The following USH2A variants were observed in gnomAD, a reference collection of about 807,000 sequenced individuals.
USH2A encodes the protein usherin.
A neutral mutation model predicts 538.9 loss-of-function variants in USH2A; 443 were observed. The ratio of observed to expected loss-of-function variants is 0.82; its 90% confidence interval spans 0.76 to 0.89. The LOEUF is 0.89. USH2A is among the 40% of genes least tolerant of loss of function. USH2A has a pLI of 0.00. For missense variants in USH2A, 6,633 were observed against 6,324.8 expected, an observed-to-expected ratio of 1.05 and a Z score of -1.65; for synonymous variants, 2,413 against 2,273.5, an observed-to-expected ratio of 1.06 and a Z score of -1.75.
chr1:216,364,833 T>G lies in USH2A; in HGVS notation c.784+120A>C, dbSNP rs901400172. 1.4e-5 allele frequency: 18 copies of G among 1,325,378 alleles called. No homozygotes were observed. The South Asian group carries it at 2.3e-4, about 17-fold the overall frequency. 82.1% of individuals were successfully genotyped at this position (1,325,378 alleles called of 1,614,324 possible). ...AATCTGCCATCCAGTTGGTGGTAAT[T>G]TGTTCAGTAGCCCTAGAAGATGAAT... On this transcript the variant is annotated intron_variant, in intron 4 of 71. Coordinates refer to ENST00000307340, the MANE Select transcript of USH2A (RefSeq NM_206933.4).
rs778015761 is a variant in USH2A, at chr1:216,198,588, G to C, written c.3812-4C>G. ...AGTTCATATCTTATAATTATTCCTAGAGAAATTAAATAGTGAACCTACGTA... is the reference window on the plus strand; with the variant it reads ...AGTTCATATCTTATAATTATTCCTACAGAAATTAAATAGTGAACCTACGTA... On this transcript the variant is annotated splice_region_variant and splice_polypyrimidine_tract_variant and intron_variant, in intron 17 of 71. Coordinates refer to ENST00000307340, the MANE Select transcript of USH2A (RefSeq NM_206933.4). 1.2e-6 allele frequency: 2 copies of C among 1,611,364 alleles called. No individual in the cohort carries two copies. Among genetic ancestry groups the C allele is most frequent in the South Asian group, 2.2e-5 (2 of 91,038 alleles).
At chr1:215,651,893 A>G (rs955294220) in intron 64 of USH2A, among the ~76,000 whole-genome samples, 1 of 152,182 alleles carries the variant, frequency 6.6e-6, no homozygotes, top group African/African-American at 2.4e-5. Context: ...TTCCTTTGTG[A>G]AAGTAAATTT....
At chr1:216,111,662 A>T (rs1208790759) in intron 21 of USH2A, among the ~76,000 whole-genome samples, 1 of 151,544 alleles carries the variant, frequency 6.6e-6, no homozygotes, top group African/African-American at 2.4e-5. Flanking sequence ...AAAACAAGAC[A>T]AATAAAATAT....
At chr1:215,892,346 C>G (rs1017669816) in intron 40 of USH2A, among the ~76,000 whole-genome samples, 8 of 152,140 alleles carry the variant, frequency 5.3e-5, no homozygotes, top group Non-Finnish European at 1.0e-4. Context: ...TAATTAAAGC[C>G]TCGCTCAGTT....
chr1:216,015,676 C>A (rs1202815105), intron 32 of USH2A, among the ~76,000 whole-genome samples: 1 of 152,158 alleles, frequency 6.6e-6, no homozygotes, highest in African/African-American at 2.4e-5. Context: ...CTCTCCAGCA[C>A]CTTCTGTTTT....
intron 32 of USH2A, among the ~76,000 whole-genome samples, chr1:216,029,338 A>C (rs2102509240): frequency 6.6e-6 from 1 of 151,952 alleles, no homozygotes; most frequent in East Asian, 1.9e-4. Flanking sequence ...TACAATATAC[A>C]CTTTGAAGAT....
intron 26 of USH2A, among the ~76,000 whole-genome samples, chr1:216,078,599 T>TTA (rs1271367114): frequency 3.9e-5 from 6 of 152,140 alleles, no homozygotes; most frequent in African/African-American, 1.4e-4. Flanking sequence ...CTACTAATGA[T>TTA]TATAGGATGT....
chr1:216,164,675 G>A (rs2034132911), intron 21 of USH2A, among the ~76,000 whole-genome samples: 1 of 152,082 alleles, frequency 6.6e-6, no homozygotes, highest in East Asian at 1.9e-4. Flanking sequence ...ACAGGTCAGA[G>A]GTTCACAGAA....
At chr1:216,238,857 C>A (rs2102533050) in intron 13 of USH2A, among the ~76,000 whole-genome samples, 1 of 152,210 alleles carries the variant, frequency 6.6e-6, no homozygotes, top group South Asian at 2.1e-4. Context: ...TCATCCCTTC[C>A]TACCCCATCC....
intron 14 of USH2A, among the ~76,000 whole-genome samples, chr1:216,231,497 T>C (rs890773324): frequency 6.0e-4 from 91 of 150,888 alleles, no homozygotes; most frequent in African/African-American, 2.1e-3. Context: ...AAGATTAGCA[T>C]ACATTAAGTA....
In USH2A at chr1:215,680,340, G is replaced by C; in HGVS notation, c.12103C>G (p.Pro4035Ala). 1 of 1,613,944 alleles carries C rather than the reference G, an allele frequency of 6.2e-7. No individual in the cohort carries two copies. The highest frequency in any genetic ancestry group is 8.5e-7 in the Non-Finnish European group (1 of 1,179,970). ...SHQAHLYGLE[P>A]FTTYRIGVVA... ...ACACCAATGCGATATGTTGTGAATGGTTCTAACCCGTACAGGTGGGCTTGA... is the reference window on the plus strand; with the variant it reads ...ACACCAATGCGATATGTTGTGAATGCTTCTAACCCGTACAGGTGGGCTTGA... Residue 4035 changes from proline to alanine, a missense_variant, in exon 62 of 72, where the codon CCA becomes GCA. Pro to Ala is a conservative substitution (Grantham distance 27, BLOSUM62 -1). Coordinates refer to ENST00000307340, the MANE Select transcript of USH2A (RefSeq NM_206933.4).
chr1:216,108,349 A>G (rs1403747836), intron 21 of USH2A, among the ~76,000 whole-genome samples: 1 of 151,370 alleles, frequency 6.6e-6, no homozygotes, highest in Non-Finnish European at 1.5e-5. Context: ...GTTTTCTTCT[A>G]TGTAGTGCCT....
chr1:215,808,662 G>A (rs1662571851), intron 49 of USH2A, among the ~76,000 whole-genome samples: 1 of 152,048 alleles, frequency 6.6e-6, no homozygotes, highest in African/African-American at 2.4e-5. Flanking sequence ...AGTATGTCAT[G>A]TAAATGCAGT....
intron 52 of USH2A, among the ~76,000 whole-genome samples, chr1:215,784,165 G>A (rs1661724701): frequency 6.6e-6 from 1 of 152,044 alleles, no homozygotes; most frequent in Non-Finnish European, 1.5e-5. Flanking sequence ...AACCACATTT[G>A]CCAGTTTTCT....
intron 32 of USH2A, among the ~76,000 whole-genome samples, chr1:216,028,213 C>A (rs1669014750): frequency 6.6e-6 from 1 of 151,944 alleles, no homozygotes. Context: ...CACGGTGAAA[C>A]CCTGTCTCTA....
intron 30 of USH2A, among the ~76,000 whole-genome samples, chr1:216,050,161 C>T (rs1339646917): frequency 6.6e-6 from 1 of 152,198 alleles, no homozygotes; most frequent in Non-Finnish European, 1.5e-5. Flanking sequence ...TAAAAGCAAG[C>T]TAACATTATC....
At chr1:215,644,477 G>A (rs1484153149) in intron 67 of USH2A, among the ~76,000 whole-genome samples, 12 of 152,074 alleles carry the variant, frequency 7.9e-5, no homozygotes. Flanking sequence ...AACGGCAAGG[G>A]GACAAAGTTA....
At chr1:215,804,726 C>T (rs933362679) in intron 49 of USH2A, among the ~76,000 whole-genome samples, 37 of 152,132 alleles carry the variant, frequency 2.4e-4, no homozygotes, top group African/African-American at 6.5e-4. Context: ...GTCAGTGTGG[C>T]GATTCCTCAG....
chr1:216,279,643 A>C (rs1216590940), intron 11 of USH2A, among the ~76,000 whole-genome samples: 1 of 152,144 alleles, frequency 6.6e-6, no homozygotes, highest in Non-Finnish European at 1.5e-5. Context: ...TCACATGTGC[A>C]TTAAAAGTTT....
Sources: gnomAD v4.1 joint callset for allele counts (sites outside exome capture counted in the v4.1 genomes callset) on GRCh38, gnomAD v4.1.1 for gene constraint, MANE v1.5 for transcripts, NCBI Gene and HGNC (gene_info 2026-07-23, HGNC 2026-07-21) for gene names.